EFL1: variants seen among roughly 807,000 people sequenced by gnomAD.
The protein encoded by EFL1 is elongation factor like GTPase 1, also known as elongation factor-like GTPase 1.
Under a neutral mutation model 126.7 loss-of-function variants are expected in EFL1, and 76 were observed. That is an observed-to-expected ratio of 0.60 (90% CI 0.50 to 0.73). EFL1 has a LOEUF of 0.73. Among genes scored for constraint, EFL1 ranks in the 30% least tolerant of loss-of-function variants. The pLI is 0.00. For missense variants in EFL1, 1,128 were observed against 1,343.2 expected (o/e 0.84, Z 2.50); for synonymous variants, 410 against 448.4 (o/e 0.91, Z 1.08).
chr15:82,259,209 G>A (rs1202938812), intron 2 of EFL1, 54 bp from the exon 3 acceptor site: 2 of 1,451,906 alleles, frequency 1.4e-6, no homozygotes, highest in African/African-American at 1.4e-5. Flanking sequence ...AAGGGGTCAT[G>A]GATCATACCT....
At chr15:82,139,911 T>C (rs2073766681) in intron 18 of EFL1, among the ~76,000 whole-genome samples, 1 of 152,192 alleles carries the variant, frequency 6.6e-6, no homozygotes, top group Non-Finnish European at 1.5e-5. Flanking sequence ...TTTTTTAAAC[T>C]AGAAACTGAC....
At chr15:82,194,965 GGT>G (rs1323119633) in intron 15 of EFL1, among the ~76,000 whole-genome samples, 5 of 152,052 alleles carry the variant, frequency 3.3e-5, no homozygotes, top group Non-Finnish European at 5.9e-5. Context: ...ACTTAAACTT[GGT>G]AATGACTTGT....
rs1433952171 is a variant in EFL1, at chr15:82,254,873, CTT to C, written c.160-2100_160-2099del. Among the ~76,000 whole-genome samples, 7 of 152,304 alleles carry C rather than the reference CTT, an allele frequency of 4.6e-5. No homozygotes were observed. In the East Asian group the frequency reaches 1.3e-3, roughly 29 times the overall value. On this transcript the variant is annotated intron_variant, in intron 3 of 19. Transcript: ENST00000268206. Reference sequence around the variant, plus strand: ...CTAAGGAGTTGGAAAAGGATGGGATCTTTATTTAAATGAAACCACTGTCAGTA... The same window carrying C: ...CTAAGGAGTTGGAAAAGGATGGGATCTATTTAAATGAAACCACTGTCAGTA...
chr15:82,216,516 C>T (rs2074648370), intron 14 of EFL1, among the ~76,000 whole-genome samples: 1 of 151,858 alleles, frequency 6.6e-6, no homozygotes, highest in African/African-American at 2.4e-5. Flanking sequence ...TAGAGACAAC[C>T]AGAAAAAAAT....
chr15:82,219,406 A>T (rs1429425952), intron 14 of EFL1, among the ~76,000 whole-genome samples: 1 of 152,260 alleles, frequency 6.6e-6, no homozygotes, highest in African/African-American at 2.4e-5. Context: ...TGCCTAGAAG[A>T]GAAAAGCCTT....
chr15:82,151,998 A>C lies in EFL1; in HGVS notation c.2456T>G (p.Ile819Ser). ...GCCAAATGACCAGATTTGGTCAACAATGTTCCTCCATCTTCTCCCTGTTAG... is the reference window on the plus strand; with the variant it reads ...GCCAAATGACCAGATTTGGTCAACACTGTTCCTCCATCTTCTCCCTGTTAG... ...QHLTGRRWRNIVDQIWSFGPR... is the reference protein window; with the variant it reads ...QHLTGRRWRNSVDQIWSFGPR... The change falls in exon 18 of 20, where the codon ATT (isoleucine) becomes AGT (serine). Residue 819 changes from isoleucine to serine, a missense_variant. This residue lies in a region of EFL1 where 561 missense variants were observed against 641.7 expected (regional missense o/e 0.87). Transcript: ENST00000268206. 1 of 1,614,110 alleles carries C rather than the reference A, an allele frequency of 6.2e-7. No homozygotes were observed. Among genetic ancestry groups the C allele is most frequent in the Non-Finnish European group, 8.5e-7 (1 of 1,180,032 alleles).
At chr15:82,187,767 T>C (rs903729444) in intron 15 of EFL1, among the ~76,000 whole-genome samples, 1 of 152,158 alleles carries the variant, frequency 6.6e-6, no homozygotes, top group Non-Finnish European at 1.5e-5. Context: ...ATGCACAGTA[T>C]CTAAAATGTC....
chr15:82,240,979 G>A (rs2074924922), intron 5 of EFL1, among the ~76,000 whole-genome samples: 1 of 152,192 alleles, frequency 6.6e-6, no homozygotes. Context: ...GAACCCAGGA[G>A]GCGGAGGTTG....
intron 19 of EFL1, 136 bp from the exon 20 acceptor site, chr15:82,130,697 G>T: frequency 1.1e-6 from 1 of 917,912 alleles, no homozygotes; most frequent in Non-Finnish European, 1.6e-6. Flanking sequence ...TGCTAGGAAT[G>T]GTAATAAGTA....
intron 15 of EFL1, among the ~76,000 whole-genome samples, chr15:82,206,786 G>A (rs2074529274): frequency 6.6e-6 from 1 of 152,046 alleles, no homozygotes; most frequent in Admixed American, 6.5e-5. Context: ...CTGACTTCAT[G>A]GGTGCTAATA....
rs140968550 is a variant in EFL1 at position 82,226,896 on chromosome 15, A to T, written c.1192+554T>A. On this transcript the variant is annotated intron_variant, in intron 11 of 19. Coordinates refer to ENST00000268206, the MANE Select transcript of EFL1 (RefSeq NM_024580.6). ...GATAAGCAGCCAGGGAGACACGAAGAAAAGCAGAAGCAAGGGAATGAAAGC... is the reference window on the plus strand; with the variant it reads ...GATAAGCAGCCAGGGAGACACGAAGTAAAGCAGAAGCAAGGGAATGAAAGC... Among the ~76,000 whole-genome samples, 22 of 152,362 alleles carry T rather than the reference A, an allele frequency of 1.4e-4. No individual in the cohort carries two copies. In the East Asian group the frequency reaches 4.1e-3, roughly 28 times the overall value.
In EFL1 at chr15:82,163,905, G is replaced by C. The variant is rs2074049169; in HGVS notation, c.1830C>G (p.Leu610=). ...TCACAATAGGAGTGGCTTCGAAGTTGAGTGGTATAAATGGTGGGCAGGATG... is the reference window on the plus strand; with the variant it reads ...TCACAATAGGAGTGGCTTCGAAGTTCAGTGGTATAAATGGTGGGCAGGATG... The part of the protein sequence containing the change: ...SLPSCPPFIP[L]NFEATPIVRV... The change falls in exon 16 of 20, where the codon CTC becomes CTG. Residue 610 remains leucine (L), a synonymous_variant. Transcript: ENST00000268206. The C allele has an allele frequency of 6.2e-7, 1 of 1,614,048 alleles. No homozygotes were observed.
At chr15:82,231,311 T>C (rs2074819997) in intron 7 of EFL1, among the ~76,000 whole-genome samples, 1 of 152,204 alleles carries the variant, frequency 6.6e-6, no homozygotes, top group African/African-American at 2.4e-5. Flanking sequence ...GTCACAACTA[T>C]GCCAACAATA....
intron 15 of EFL1, among the ~76,000 whole-genome samples, chr15:82,199,660 T>C (rs1309360662): frequency 6.6e-6 from 1 of 152,204 alleles, no homozygotes; most frequent in African/African-American, 2.4e-5. Context: ...TTCACACACA[T>C]GAATTTATTT....
chr15:82,253,282 C>T (rs370887048), intron 3 of EFL1, among the ~76,000 whole-genome samples: 3 of 152,094 alleles, frequency 2.0e-5, no homozygotes, highest in East Asian at 3.9e-4. Flanking sequence ...TGAGGTGATC[C>T]ACCCACCTCA....
At chr15:82,190,096 G>A (rs2074343037) in intron 15 of EFL1, among the ~76,000 whole-genome samples, 3 of 148,422 alleles carry the variant, frequency 2.0e-5, no homozygotes, top group South Asian at 4.3e-4. Context: ...GGGCAACAGA[G>A]TGAGACTCTG....
intron 4 of EFL1, among the ~76,000 whole-genome samples, chr15:82,247,610 T>G (rs373690162): frequency 0.036 from 5,468 of 151,998 alleles, 153 homozygotes; most frequent in Non-Finnish European, 0.049. Flanking sequence ...CATGAATGAA[T>G]GAGTAGCATT....
At chr15:82,145,831 C>A in intron 18 of EFL1, among the ~76,000 whole-genome samples, 1 of 122,450 alleles carries the variant, frequency 8.2e-6, no homozygotes. Context: ...AGCGAAACTC[C>A]ATCTCAAAAA....
At chr15:82,175,691 TAA>T (rs2074187939) in intron 15 of EFL1, among the ~76,000 whole-genome samples, 1 of 151,994 alleles carries the variant, frequency 6.6e-6, no homozygotes. Context: ...CCGTCTCTAC[TAA>T]AAATACAAAA....
Sources: gnomAD v4.1 joint callset for allele counts (sites outside exome capture counted in the v4.1 genomes callset) on GRCh38, gnomAD v4.1.1 for gene constraint, gnomAD v4.1.1 regional missense constraint, MANE v1.5 for transcripts, NCBI Gene and HGNC (gene_info 2026-07-23, HGNC 2026-07-21) for gene names.